MGST1: variants seen among roughly 807,000 people sequenced by gnomAD.
MGST1 encodes microsomal glutathione S-transferase 1.
A neutral mutation model predicts 8.9 loss-of-function variants in MGST1; 5 were observed. The observed-to-expected ratio is 0.56, with a 90% CI of 0.29 to 1.19. The LOEUF (loss-of-function observed/expected upper bound fraction) is 1.19. Among genes scored for constraint, MGST1 ranks in the 50% most tolerant of loss-of-function variants. The pLI, the probability that MGST1 is intolerant of heterozygous loss-of-function variation, is 0.08. For missense variants in MGST1, 182 were observed against 187.4 expected, an observed-to-expected ratio of 0.97 and a Z score of 0.17; for synonymous variants, 54 against 67.8, an observed-to-expected ratio of 0.80 and a Z score of 1.00.
rs116798197 is a variant in MGST1, at chr12:16,493,048, C to G, written n.483-96480C>G. On this transcript the variant is annotated intron_variant and non_coding_transcript_variant, in intron 4 of 4. Transcript: ENST00000538857. Reference sequence around the variant, plus strand: ...CACATGTGAGTAGGCTAAGGCCAATCAGAGCTCTCCCCAGGATTTTCTTTG... The same window carrying G: ...CACATGTGAGTAGGCTAAGGCCAATGAGAGCTCTCCCCAGGATTTTCTTTG... Among the ~76,000 whole-genome samples the G allele has an allele frequency of 3.2e-3, 490 of 152,286 alleles. 5 individuals are homozygous for G. The highest frequency in any genetic ancestry group is 0.011 in the African/African-American group (458 of 41,560).
intron 1 of MGST1, among the ~76,000 whole-genome samples, chr12:16,433,901 G>A (rs957560414): frequency 4.6e-5 from 7 of 152,048 alleles, no homozygotes; most frequent in African/African-American, 1.7e-4. Context: ...GAATCCAGTA[G>A]TCCATGTCAA....
At chr12:16,514,356 G>T (rs914932402) in intron 4 of MGST1, 1 of 308,176 alleles carries the variant, frequency 3.2e-6, no homozygotes, top group Non-Finnish European at 6.4e-6. Flanking sequence ...GGACCCGTTT[G>T]CTTCTACCAT....
At chr12:16,399,955 A>G (rs1285603371) in intron 1 of MGST1, 6 of 1,324,014 alleles carry the variant, frequency 4.5e-6, no homozygotes, top group East Asian at 2.3e-5. Context: ...CATAGCATTT[A>G]CCAGCGCACT....
rs188166238 is a variant in MGST1 at position 16,427,775 on chromosome 12, C to T, written n.779-9613C>T. Reference sequence around the variant, plus strand: ...TAATTATTTCCATCTAAGCATTATGCTTTTTCCTTTTAATTTTACATTTTA... The same window carrying T: ...TAATTATTTCCATCTAAGCATTATGTTTTTTCCTTTTAATTTTACATTTTA... On this transcript the variant is annotated intron_variant and non_coding_transcript_variant, in intron 1 of 1. Transcript: ENST00000359720. Among the ~76,000 whole-genome samples, 1,099 of 152,166 alleles carry T rather than the reference C, an allele frequency of 7.2e-3. 1 individual carries two copies. Among genetic ancestry groups the T allele is most frequent in the Non-Finnish European group, 0.011 (734 of 68,002 alleles).
intron 4 of MGST1, among the ~76,000 whole-genome samples, chr12:16,480,533 T>C (rs1467573929): frequency 6.6e-6 from 1 of 152,174 alleles, no homozygotes. Context: ...GAAGGAATTA[T>C]ATACAGAATG....
In MGST1 at chr12:16,548,097, C is replaced by T. The variant is rs1941855222; in HGVS notation, n.483-41431C>T. ...AACAGAGTTGCTTTCAGAAAGATCA[C>T]CTAAAATTTGTATAAATGTGCAAAA... On this transcript the variant is annotated intron_variant and non_coding_transcript_variant, in intron 4 of 4. Coordinates refer to the MGST1 transcript ENST00000538857. The surrounding 1 kb of genome is among the most constrained non-coding windows in gnomAD (Gnocchi z 4.2). 6.6e-6 allele frequency among the ~76,000 whole-genome samples: 1 copy of T among 152,088 alleles called. No individual in the cohort carries two copies. Among genetic ancestry groups the T allele is most frequent in the East Asian group, 1.9e-4 (1 of 5,188 alleles).
chr12:16,519,556 T>C (rs981156240), intron 4 of MGST1, among the ~76,000 whole-genome samples: 2 of 152,160 alleles, frequency 1.3e-5, no homozygotes, highest in Non-Finnish European at 2.9e-5. Context: ...CAATCAGATA[T>C]TTTCTTCTCC....
intron 1 of MGST1, among the ~76,000 whole-genome samples, chr12:16,408,030 CAAAAAAAAA>C (rs200073692): frequency 0.077 from 3,388 of 43,918 alleles, 65 homozygotes; most frequent in Non-Finnish European, 0.17. Flanking sequence ...GACTCTGTCT[CAAAAAAAAA>C]AAAAAAAAAA....
rs1940654471 is a variant in MGST1 at position 16,401,372 on chromosome 12, C to A, written n.778+17768C>A. The A allele has an allele frequency of 2.7e-5, 32 of 1,166,694 alleles. No homozygotes were observed. The South Asian group carries it at 3.9e-4, about 14-fold the overall frequency. 72.3% of individuals were successfully genotyped at this position (1,166,694 alleles called of 1,614,324 possible). A position where few individuals can be genotyped will look rare whatever the true frequency, so the allele number is the denominator to read the frequency against. ...CTTTCATGGAATTCAATTCCCACCCCAAATCCTAGGTTTCTGGTAATTTTG... is the reference window on the plus strand; with the variant it reads ...CTTTCATGGAATTCAATTCCCACCCAAAATCCTAGGTTTCTGGTAATTTTG... On this transcript the variant is annotated intron_variant and non_coding_transcript_variant, in intron 1 of 1. Transcript: ENST00000359720. The surrounding 1 kb of genome is among the most constrained non-coding windows in gnomAD (Gnocchi z 4.3).
At chr12:16,387,439 G>A (rs928574839) in intron 1 of MGST1, among the ~76,000 whole-genome samples, 10 of 151,976 alleles carry the variant, frequency 6.6e-5, no homozygotes, top group Non-Finnish European at 8.8e-5. Context: ...CTAGGCCTTC[G>A]CATTCACTGC....
At chr12:16,465,450 C>A (rs560073260) in intron 4 of MGST1, among the ~76,000 whole-genome samples, 60 of 152,262 alleles carry the variant, frequency 3.9e-4, no homozygotes, top group African/African-American at 1.4e-3. Context: ...AACTGGATCG[C>A]ATAGCAGGAG....
intron 4 of MGST1, among the ~76,000 whole-genome samples, chr12:16,511,074 T>C (rs1941573432): frequency 6.6e-6 from 1 of 152,270 alleles, no homozygotes; most frequent in South Asian, 2.1e-4. Flanking sequence ...TAGCATCTCA[T>C]GGATATAAGT....
intron 4 of MGST1, among the ~76,000 whole-genome samples, chr12:16,475,861 A>T (rs1941319355): frequency 6.6e-6 from 1 of 152,076 alleles, no homozygotes; most frequent in Admixed American, 6.5e-5. Flanking sequence ...GTACCTAGAG[A>T]GCCACAAAGA....
intron 1 of MGST1, among the ~76,000 whole-genome samples, chr12:16,422,421 A>G (rs1940847021): frequency 6.6e-6 from 1 of 152,130 alleles, no homozygotes; most frequent in Non-Finnish European, 1.5e-5. Flanking sequence ...ACACATAACA[A>G]AATGGCCTAT....
At chr12:16,578,916 TAAC>T (rs1251939666) in intron 4 of MGST1, among the ~76,000 whole-genome samples, 2 of 152,180 alleles carry the variant, frequency 1.3e-5, no homozygotes, top group East Asian at 1.9e-4. Context: ...GTTCTATACT[TAAC>T]AAAGTCTCAC....
intron 1 of MGST1, among the ~76,000 whole-genome samples, chr12:16,386,867 T>G (rs1403731213): frequency 6.6e-6 from 1 of 152,178 alleles, no homozygotes; most frequent in Non-Finnish European, 1.5e-5. Context: ...GCCTGGGATG[T>G]GAATTATCTT....
chr12:16,401,853 G>C lies in MGST1; in HGVS notation n.778+18249G>C, dbSNP rs1054572880. The C allele has an allele frequency of 4.4e-6, 7 of 1,605,246 alleles. No individual in the cohort carries two copies. Among genetic ancestry groups the C allele is most frequent in the Middle Eastern group, 1.6e-4 (1 of 6,074 alleles). On this transcript the variant is annotated intron_variant and non_coding_transcript_variant, in intron 1 of 1. Coordinates refer to the MGST1 transcript ENST00000359720. The surrounding 1 kb of genome is among the most constrained non-coding windows in gnomAD (Gnocchi z 4.3). ...GAAGAATTTGTTGAAGACTTCAGAAGTGATGCCAGCTGCTTTCTTCATTAA... is the reference window on the plus strand; with the variant it reads ...GAAGAATTTGTTGAAGACTTCAGAACTGATGCCAGCTGCTTTCTTCATTAA...
Position 16,587,727 on chromosome 12 carries a change from A to G in MGST1, n.483-1801A>G, listed in dbSNP as rs536937496. ...CAGGAGACAAACAATGATATGTATT[A>G]CATGCAGTAAACACTGCCTTTGGTA... On this transcript the variant is annotated intron_variant and non_coding_transcript_variant, in intron 4 of 4. Coordinates refer to the MGST1 transcript ENST00000538857. This position sits in a 1 kb window ranked among gnomAD's most constrained non-coding sequence, Gnocchi z 4.3. 1.6e-4 allele frequency among the ~76,000 whole-genome samples: 25 copies of G among 151,856 alleles called. 1 individual carries two copies. The South Asian group carries it at 5.2e-3, about 31-fold the overall frequency.
downstream of MGST1, among the ~76,000 whole-genome samples, chr12:16,381,880 ATTCAT>A (rs201771199): frequency 2.5e-4 from 38 of 151,954 alleles, 1 homozygote; most frequent in East Asian, 6.6e-3. Flanking sequence ...GCTTCGTTTC[ATTCAT>A]TTCATCTTCC....
Sources: allele counts gnomAD v4.1 joint callset (sites outside exome capture counted in the v4.1 genomes callset), GRCh38; gene constraint gnomAD v4.1.1; non-coding constraint Gnocchi (gnomAD v3.1); transcripts MANE v1.5; gene names NCBI Gene and HGNC (gene_info 2026-07-23, HGNC 2026-07-21).